The following CA5A variants were observed in gnomAD, a reference collection of about 807,000 sequenced individuals.
CA5A encodes carbonic anhydrase 5A.
CA5A carries 28 observed loss-of-function variants against 37.1 expected under a neutral mutation model. The observed-to-expected ratio is 0.75, with a 90% CI of 0.56 to 1.03. The LOEUF is 1.03. CA5A is among the 50% of genes least tolerant of loss of function. The pLI is 0.00. For synonymous variants in CA5A, 171 were observed against 158.4 expected (o/e 1.08, Z -0.60); for missense variants, 444 against 399.9 (o/e 1.11, Z -0.94).
At position 87,891,744 on chromosome 16, in the gene CA5A, G is replaced by A. The variant is rs1301610396; in HGVS notation, c.774+55C>T. Reference sequence around the variant, plus strand: ...TGCAGCATCTTAGTGACGCTGCCAAGCAAGAGGGACGCCTTCCATGAAGCG... The same window carrying A: ...TGCAGCATCTTAGTGACGCTGCCAAACAAGAGGGACGCCTTCCATGAAGCG... On this transcript the variant is annotated intron_variant, in intron 6 of 6. Transcript: ENST00000649794. The A allele has an allele frequency of 3.6e-6, 5 of 1,407,586 alleles. No individual in the cohort carries two copies. The Admixed American group carries it at 9.8e-5, about 28-fold the overall frequency. The allele number at this position is 1,407,586 out of a possible 1,614,324, so 87.2% of individuals were successfully genotyped here.
intron 2 of CA5A, among the ~76,000 whole-genome samples, chr16:87,916,570 T>C (rs1045151126): frequency 2.6e-5 from 4 of 152,208 alleles, no homozygotes; most frequent in African/African-American, 7.2e-5. Context: ...ACAGCACTTA[T>C]CACTATCCAA....
chr16:87,891,332 G>C (rs112772857), intron 6 of CA5A, among the ~76,000 whole-genome samples: 12,133 of 151,690 alleles, frequency 0.08, 587 homozygotes, highest in Middle Eastern at 0.15. Context: ...GCCAGGCGTG[G>C]TGATGGGTGC....
At chr16:87,916,357 A>G (rs1231332152) in intron 2 of CA5A, among the ~76,000 whole-genome samples, 2 of 131,406 alleles carry the variant, frequency 1.5e-5, no homozygotes, top group Middle Eastern at 4.2e-3. Context: ...AATATTTAGC[A>G]TAAGTATGGT....
chr16:87,903,520 T>C (rs1400255527), intron 3 of CA5A, among the ~76,000 whole-genome samples: 1 of 151,978 alleles, frequency 6.6e-6, no homozygotes, highest in Non-Finnish European at 1.5e-5. Context: ...AAAGTCATGT[T>C]GTTAAATGAA....
Position 87,891,874 on chromosome 16 carries a change from C to G in CA5A, c.699G>C (p.Ser233=). ...TCWDYWTYAG[S]LTTPPLTESV... Reference sequence around the variant, plus strand: ...ACTCGGTCAGCGGCGGGGTGGTGAGCGAGCCCGCGTAGGTCCAGTAATCCC... The same window carrying G: ...ACTCGGTCAGCGGCGGGGTGGTGAGGGAGCCCGCGTAGGTCCAGTAATCCC... The change falls in exon 6 of 7, where the codon TCG becomes TCC. Residue 233 remains serine (S), a synonymous_variant. Transcript: ENST00000649794. 1.3e-6 allele frequency: 2 copies of G among 1,572,838 alleles called. No individual in the cohort carries two copies. Among genetic ancestry groups the G allele is most frequent in the Non-Finnish European group, 1.7e-6 (2 of 1,161,416 alleles).
chr16:87,933,226 G>T (rs1269555386), intron 1 of CA5A, among the ~76,000 whole-genome samples: 1 of 152,228 alleles, frequency 6.6e-6, no homozygotes, highest in African/African-American at 2.4e-5. Context: ...TAGAATCTTT[G>T]ATTTCTAGGG....
chr16:87,926,641 G>A (rs1437333020), intron 2 of CA5A, 107 bp downstream of exon 2: 2 of 871,078 alleles, frequency 2.3e-6, no homozygotes, highest in Non-Finnish European at 3.7e-6. Flanking sequence ...AGCAGCACAA[G>A]GAAAGCAGCA....
Position 87,900,022 on chromosome 16 carries a change from G to A in CA5A, c.618+1890C>T, listed in dbSNP as rs548040543. Among the ~76,000 whole-genome samples the A allele has an allele frequency of 3.9e-4, 58 of 148,366 alleles. No homozygotes were observed. In the South Asian group the frequency reaches 6.8e-3, roughly 17 times the overall value. On this transcript the variant is annotated intron_variant, in intron 5 of 6. Coordinates refer to ENST00000649794, the MANE Select transcript of CA5A (RefSeq NM_001739.2). ...CAGCATCAGGACCAGAGCTCAGTCC[G>A]CGGTGGCACTTCCTCCCCTGTCCCG...
At chr16:87,906,347 G>A (rs1364886243) in intron 2 of CA5A, among the ~76,000 whole-genome samples, 1 of 152,178 alleles carries the variant, frequency 6.6e-6, no homozygotes, top group African/African-American at 2.4e-5. Context: ...AAGTACTTGG[G>A]CTGGGCGTGG....
At chr16:87,898,564 G>A (rs1023413710) in intron 5 of CA5A, among the ~76,000 whole-genome samples, 1 of 152,194 alleles carries the variant, frequency 6.6e-6, no homozygotes, top group Admixed American at 6.5e-5. Context: ...GATTGGGCTG[G>A]TGGATTTTCG....
chr16:87,929,740 C>A (rs1476158607), intron 1 of CA5A, among the ~76,000 whole-genome samples: 1 of 151,628 alleles, frequency 6.6e-6, no homozygotes, highest in Non-Finnish European at 1.5e-5. Context: ...GGCGTGGTGG[C>A]GGGCGCCTGT....
At chr16:87,932,078 C>T (rs1259684976) in intron 1 of CA5A, among the ~76,000 whole-genome samples, 1 of 152,042 alleles carries the variant, frequency 6.6e-6, no homozygotes, top group Non-Finnish European at 1.5e-5. Flanking sequence ...TGCGCTATTG[C>T]ACGCCAGCCT....
At chr16:87,930,157 C>T (rs75547859) in intron 1 of CA5A, among the ~76,000 whole-genome samples, 6,438 of 152,220 alleles carry the variant, frequency 0.042, 482 homozygotes, top group African/African-American at 0.15. Flanking sequence ...ACCAGAATCT[C>T]AGCAGGGGGT....
chr16:87,906,517 C>G (rs1051670868), intron 2 of CA5A, among the ~76,000 whole-genome samples: 6 of 152,078 alleles, frequency 3.9e-5, no homozygotes, highest in African/African-American at 1.4e-4. Context: ...ATCCCAGCTA[C>G]TCGGGAGGCT....
chr16:87,896,743 C>G (rs755667838), intron 5 of CA5A, among the ~76,000 whole-genome samples: 4 of 152,200 alleles, frequency 2.6e-5, no homozygotes, highest in Non-Finnish European at 5.9e-5. Flanking sequence ...CAGGTTCAAG[C>G]GATTCTCCTG....
intron 5 of CA5A, among the ~76,000 whole-genome samples, chr16:87,899,189 A>G (rs2055842486): frequency 6.6e-6 from 1 of 151,124 alleles, no homozygotes; most frequent in South Asian, 2.1e-4. Context: ...CAGAAGTCCT[A>G]GGCTAGGAGC....
chr16:87,918,664 G>A (rs1258811835), intron 2 of CA5A, among the ~76,000 whole-genome samples: 1 of 152,160 alleles, frequency 6.6e-6, no homozygotes, highest in African/African-American at 2.4e-5. Context: ...CACCTTGTCC[G>A]CTCCCTTCCC....
chr16:87,906,835 T>A (rs2055968440), intron 2 of CA5A, among the ~76,000 whole-genome samples: 1 of 152,188 alleles, frequency 6.6e-6, no homozygotes, highest in Admixed American at 6.5e-5. Flanking sequence ...TGAGCAAATC[T>A]TCTATTCTCC....
intron 1 of CA5A, among the ~76,000 whole-genome samples, 193 bp from the exon 2 acceptor site, chr16:87,927,138 T>G (rs1423866438): frequency 6.6e-6 from 1 of 152,248 alleles, no homozygotes; most frequent in Non-Finnish European, 1.5e-5. Flanking sequence ...CTCCTCTCCT[T>G]TCTGCACCAC....
Sources: gnomAD v4.1 joint callset for allele counts (sites outside exome capture counted in the v4.1 genomes callset) on GRCh38, gnomAD v4.1.1 for gene constraint, MANE v1.5 for transcripts, NCBI Gene and HGNC (gene_info 2026-07-23, HGNC 2026-07-21) for gene names.